The following FBXO42 variants were observed in gnomAD, a reference collection of about 807,000 sequenced individuals.
The protein encoded by FBXO42 is F-box protein 42.
Under a neutral mutation model 71.7 loss-of-function variants are expected in FBXO42, and 12 were observed. That is an observed-to-expected ratio of 0.17 (90% confidence interval 0.11 to 0.27). FBXO42 has a LOEUF of 0.27. Among genes scored for constraint, FBXO42 ranks in the 10% least tolerant of loss-of-function variants. The pLI is 1.00. For synonymous variants in FBXO42, 325 were observed against 327.5 expected (o/e 0.99, Z 0.08); for missense variants, 707 against 911.9 (o/e 0.78, Z 2.89).
chr1:16,255,152 T>C (rs1042257324), intron 6 of FBXO42, among the ~76,000 whole-genome samples: 1 of 151,864 alleles, frequency 6.6e-6, no homozygotes, highest in African/African-American at 2.4e-5. Flanking sequence ...AAGGTGGAGG[T>C]TCCATCAGAA....
chr1:16,344,871 A>G (rs1302779952), intron 1 of FBXO42, among the ~76,000 whole-genome samples: 1 of 151,374 alleles, frequency 6.6e-6, no homozygotes, highest in East Asian at 2.0e-4. Flanking sequence ...GGCCAAGGTG[A>G]GTGGATCATC....
At chr1:16,285,028 C>T (rs1378640096) in intron 4 of FBXO42, among the ~76,000 whole-genome samples, 1 of 151,752 alleles carries the variant, frequency 6.6e-6, no homozygotes. Flanking sequence ...TGCCTGTAAT[C>T]CCAGCTACTC....
chr1:16,251,797 A>G lies in FBXO42; in HGVS notation c.1039-12T>C. On this transcript the variant is annotated splice_polypyrimidine_tract_variant and intron_variant, in intron 9 of 9. Coordinates refer to ENST00000375592, the MANE Select transcript of FBXO42 (RefSeq NM_018994.3). This position sits in a 1 kb window ranked among gnomAD's most constrained non-coding sequence, Gnocchi z 4.5. ...ACACACTGTCCCACCTGGAAGACAA[A>G]GGACCAGTGCTCACACTCTTCTATG... is the stretch of plus-strand genomic sequence containing the variant. 1 of 1,607,412 alleles carries G rather than the reference A, an allele frequency of 6.2e-7. No homozygotes were observed. Among genetic ancestry groups the G allele is most frequent in the African/African-American group, 1.3e-5 (1 of 74,834 alleles).
intron 1 of FBXO42, among the ~76,000 whole-genome samples, chr1:16,315,857 T>C (rs1000962240): frequency 6.6e-6 from 1 of 152,128 alleles, no homozygotes; most frequent in Non-Finnish European, 1.5e-5. Flanking sequence ...AATAACATTC[T>C]GAGAATATGG....
chr1:16,290,681 C>CA lies in FBXO42; in HGVS notation c.502+4101dup, dbSNP rs34993877. On this transcript the variant is annotated intron_variant, in intron 4 of 9. Transcript: ENST00000375592. The stretch of plus-strand genomic sequence containing the variant: ...CACTCCAACCTGGGTGACAGAGTGA[C>CA]AAAAAAAAAAAAAGAAGCACAAGAG... Among the ~76,000 whole-genome samples, 42 of 146,894 alleles carry CA rather than the reference C, an allele frequency of 2.9e-4. 1 individual carries two copies. The South Asian group carries it at 3.9e-3, about 14-fold the overall frequency.
chr1:16,287,251 T>C (rs1324506500), intron 4 of FBXO42, among the ~76,000 whole-genome samples: 3 of 152,204 alleles, frequency 2.0e-5, no homozygotes, highest in Non-Finnish European at 4.4e-5. Flanking sequence ...GAAACATTCG[T>C]TTCTCAGATA....
Position 16,274,715 on chromosome 1 carries a change from G to A in FBXO42, c.503-17956C>T, listed in dbSNP as rs187446463. Among the ~76,000 whole-genome samples the A allele has an allele frequency of 1.1e-3, 168 of 146,886 alleles. 1 individual carries two copies. The highest frequency in any genetic ancestry group is 4.2e-3 in the African/African-American group (167 of 39,928). ...CAAACGATTCTCCTGCCTCAGCCTC[G>A]CAAGTAGCTGGGACTACAGGCACCC... On this transcript the variant is annotated intron_variant, in intron 4 of 9. Transcript: ENST00000375592.
At chr1:16,291,760 C>T (rs754550859) in intron 4 of FBXO42, among the ~76,000 whole-genome samples, 1 of 152,134 alleles carries the variant, frequency 6.6e-6, no homozygotes, top group African/African-American at 2.4e-5. Context: ...TAGCCTTGAA[C>T]TCCTGGGCTC....
chr1:16,308,518 T>TTTTTG (rs1557595233), intron 2 of FBXO42, among the ~76,000 whole-genome samples: 1 of 143,266 alleles, frequency 7.0e-6, no homozygotes. Flanking sequence ...TTTTTTCCTT[T>TTTTTG]AGACTGAGTC....
At chr1:16,270,559 C>G (rs1043727871) in intron 4 of FBXO42, among the ~76,000 whole-genome samples, 1 of 150,878 alleles carries the variant, frequency 6.6e-6, no homozygotes, top group East Asian at 1.9e-4. Flanking sequence ...AAAGGCCAGG[C>G]CAGGTGCAGT....
At chr1:16,271,258 GGTGTGTGTGTGTGTGTGTGT>G (rs57827739) in intron 4 of FBXO42, among the ~76,000 whole-genome samples, 6 of 137,426 alleles carry the variant, frequency 4.4e-5, no homozygotes, top group Non-Finnish European at 6.2e-5. Flanking sequence ...TGTGTGTGTT[GGTGTGTGTGTGTGTGTGTGT>G]GTGTGTGTGT....
At chr1:16,255,379 G>T (rs375256449) in intron 6 of FBXO42, among the ~76,000 whole-genome samples, 2 of 151,504 alleles carry the variant, frequency 1.3e-5, no homozygotes, top group East Asian at 3.9e-4. Context: ...CTGTTGCCCA[G>T]GCTGGAATGC....
At chr1:16,350,356 A>G (rs955261508) in intron 1 of FBXO42, among the ~76,000 whole-genome samples, 8 of 151,988 alleles carry the variant, frequency 5.3e-5, no homozygotes, top group African/African-American at 1.7e-4. Context: ...TAGCTCTCCA[A>G]TTTTCTACCA....
At position 16,247,217 on chromosome 1, in the gene FBXO42, G is replaced by C. The variant is rs6675923; in HGVS notation, c.*3453C>G. On this transcript the variant is annotated 3_prime_UTR_variant, in exon 10 of 10. Coordinates refer to ENST00000375592, the MANE Select transcript of FBXO42 (RefSeq NM_018994.3). ...CAGAACATGCCTTCTGCAGTTCATG[G>C]AGAGGCTACATGGGACGCAGGCCTG... The C allele has an allele frequency of 0.081, 12,278 of 152,278 alleles. 719 individuals are homozygous for C. The highest frequency in any genetic ancestry group is 0.15 in the East Asian group (796 of 5,176). 9.4% of individuals were successfully genotyped at this position (152,278 alleles called of 1,614,324 possible).
intron 2 of FBXO42, among the ~76,000 whole-genome samples, chr1:16,308,832 C>T (rs151227890): frequency 7.4e-5 from 11 of 149,578 alleles, no homozygotes; most frequent in African/African-American, 2.7e-4. Flanking sequence ...CAACCTCCAC[C>T]TCCCAGGTTC....
At chr1:16,349,495 C>T (rs148698232) in intron 1 of FBXO42, among the ~76,000 whole-genome samples, 1,659 of 152,338 alleles carry the variant, frequency 0.011, 31 homozygotes, top group African/African-American at 0.037. Context: ...TTCACGAACA[C>T]TATCTTTTCT....
intron 1 of FBXO42, among the ~76,000 whole-genome samples, chr1:16,341,609 TAAAAAA>T (rs34904915): frequency 2.6e-5 from 3 of 113,280 alleles, no homozygotes; most frequent in Non-Finnish European, 5.1e-5. Flanking sequence ...CTGCGTCTTT[TAAAAAA>T]AAAAAAAAAA....
chr1:16,318,525 T>C (rs990665710), intron 1 of FBXO42, among the ~76,000 whole-genome samples: 9 of 152,212 alleles, frequency 5.9e-5, no homozygotes, highest in African/African-American at 1.9e-4. Context: ...CTGTATTTCC[T>C]AAATTTTCTA....
chr1:16,312,360 T>G (rs2082321287), intron 2 of FBXO42, among the ~76,000 whole-genome samples: 1 of 151,984 alleles, frequency 6.6e-6, no homozygotes, highest in South Asian at 2.1e-4. Context: ...TGACTCTGTC[T>G]CAAAAAATAA....
Sources: allele counts gnomAD v4.1 joint callset (sites outside exome capture counted in the v4.1 genomes callset), GRCh38; gene constraint gnomAD v4.1.1; non-coding constraint Gnocchi (gnomAD v3.1); transcripts MANE v1.5; gene names NCBI Gene and HGNC (gene_info 2026-07-23, HGNC 2026-07-21).